Variants in DYM observed in about 807,000 individuals in gnomAD.
The protein encoded by DYM is dyggve-Melchior-Clausen syndrome protein.
Under a neutral mutation model 93.1 loss-of-function variants are expected in DYM, and 78 were observed. The ratio of observed to expected loss-of-function variants is 0.84; its 90% CI spans 0.70 to 1.01. The LOEUF (loss-of-function observed/expected upper bound fraction) is 1.01, where lower values mean the gene tolerates loss of function less well. Ranked by LOEUF, DYM falls within the 50% of genes least tolerant of loss-of-function variation. The probability of loss-of-function intolerance (pLI) is 0.00; values close to 1 mark genes in which losing one functional copy is unlikely to be tolerated. For missense variants in DYM, 789 were observed against 845.0 expected (o/e 0.93, Z 0.82); for synonymous variants, 321 against 319.7 (o/e 1.00, Z -0.04).
chr18:49,431,349 T>C (rs977439512), intron 1 of DYM, among the ~76,000 whole-genome samples: 6 of 152,212 alleles, frequency 3.9e-5, no homozygotes. Flanking sequence ...CATTCATCTG[T>C]CTATGCCCAC....
chr18:49,383,668 G>C (rs1048398169), intron 3 of DYM, among the ~76,000 whole-genome samples: 1 of 152,120 alleles, frequency 6.6e-6, no homozygotes, highest in Non-Finnish European at 1.5e-5. Context: ...TTATTTTTCT[G>C]AACAGCCAAC....
intron 13 of DYM, among the ~76,000 whole-genome samples, chr18:49,224,524 G>A (rs1284672791): frequency 6.6e-6 from 1 of 152,042 alleles, no homozygotes; most frequent in Non-Finnish European, 1.5e-5. Flanking sequence ...ATGGTATTAG[G>A]AGGTGGGGTC....
At chr18:49,130,513 T>C (rs1444523041) in intron 15 of DYM, among the ~76,000 whole-genome samples, 2 of 152,130 alleles carry the variant, frequency 1.3e-5, no homozygotes, top group Non-Finnish European at 2.9e-5. Context: ...TTGTGTCTAT[T>C]GTGCATTATT....
Position 49,441,368 on chromosome 18 carries a change from T to A in DYM, c.-53-10921A>T, listed in dbSNP as rs1280427006. The stretch of plus-strand genomic sequence containing the variant: ...AATTAATATATAATTATATTATATA[T>A]ATGGATTGTGTGTACAAACACACAT... On this transcript the variant is annotated intron_variant, in intron 1 of 17. Transcript: ENST00000675505. 3.8e-5 allele frequency among the ~76,000 whole-genome samples: 4 copies of A among 104,850 alleles called. No homozygotes were observed. In the East Asian group the frequency reaches 9.6e-4, roughly 25 times the overall value. The allele number at this position is 104,850 out of a possible 152,430, so 68.8% of individuals were successfully genotyped here.
intron 17 of DYM, among the ~76,000 whole-genome samples, chr18:49,076,643 T>C (rs2077334416): frequency 6.6e-6 from 1 of 152,208 alleles, no homozygotes. Context: ...TATCTGTTAT[T>C]ACCAGAATTC....
chr18:49,186,169 TAA>T (rs2090412308), intron 14 of DYM, among the ~76,000 whole-genome samples: 1 of 152,184 alleles, frequency 6.6e-6, no homozygotes, highest in Non-Finnish European at 1.5e-5. Context: ...ATAAATTATA[TAA>T]TCACTCACTT....
At chr18:49,048,496 T>C (rs1372503301) in intron 17 of DYM, 1 of 152,232 alleles carries the variant, frequency 6.6e-6, no homozygotes, top group Admixed American at 6.5e-5. Flanking sequence ...TTCAGTGACT[T>C]ACATGGGGGT....
intron 14 of DYM, among the ~76,000 whole-genome samples, chr18:49,193,540 T>G (rs1427938850): frequency 2.0e-5 from 3 of 152,194 alleles, no homozygotes; most frequent in Non-Finnish European, 4.4e-5. Context: ...TTAGCTCAAA[T>G]CTGTGAACAC....
intron 8 of DYM, among the ~76,000 whole-genome samples, chr18:49,304,285 C>A (rs77831771): frequency 0.08 from 12,206 of 152,160 alleles, 773 homozygotes; most frequent in East Asian, 0.31. Context: ...AGTAGGACAC[C>A]CACTTCCCTG....
intron 17 of DYM, among the ~76,000 whole-genome samples, chr18:49,069,132 G>A (rs796172893): frequency 5.9e-5 from 9 of 152,304 alleles, no homozygotes; most frequent in African/African-American, 1.9e-4. Context: ...GATGATGCGT[G>A]AGTTAAATTA....
chr18:49,139,326 T>C (rs368642442), intron 15 of DYM, among the ~76,000 whole-genome samples: 14 of 152,290 alleles, frequency 9.2e-5, no homozygotes, highest in African/African-American at 3.1e-4. Flanking sequence ...CAACATTTGC[T>C]TTCTTATTCT....
chr18:49,354,101 G>A (rs535065276), intron 6 of DYM, among the ~76,000 whole-genome samples: 1 of 152,138 alleles, frequency 6.6e-6, no homozygotes, highest in South Asian at 2.1e-4. Context: ...ACAGAACTGA[G>A]CACTCAGAAA....
At chr18:49,230,470 C>CTACT (rs1555650551) in intron 13 of DYM, among the ~76,000 whole-genome samples, 8 of 152,268 alleles carry the variant, frequency 5.3e-5, no homozygotes, top group African/African-American at 1.9e-4. Context: ...TACTATCAGA[C>CTACT]ATCTGGGAAC....
In DYM at chr18:49,209,281, A is replaced by G. The variant is rs564726549; in HGVS notation, c.1625+270T>C. Reference sequence around the variant, plus strand: ...TATAAATCAAAAGATTCCCAAATGGAATGCGGTATAGAATAGTTCTGGCAA... The same window carrying G: ...TATAAATCAAAAGATTCCCAAATGGGATGCGGTATAGAATAGTTCTGGCAA... On this transcript the variant is annotated intron_variant, in intron 14 of 17. Transcript: ENST00000675505. Among the ~76,000 whole-genome samples the G allele has an allele frequency of 1.8e-4, 27 of 152,326 alleles. No homozygotes were observed. In the South Asian group the frequency reaches 4.8e-3, roughly 27 times the overall value.
chr18:49,239,726 A>G (rs1338393559), intron 13 of DYM, among the ~76,000 whole-genome samples: 3 of 152,236 alleles, frequency 2.0e-5, no homozygotes, highest in Admixed American at 2.0e-4. Flanking sequence ...AGATGGGAGC[A>G]CACTGGACAC....
rs191233558 is a variant in DYM at position 49,079,095 on chromosome 18, G to C, written c.2025+18307C>G. 5.0e-3 allele frequency among the ~76,000 whole-genome samples: 765 copies of C among 152,232 alleles called. 2 individuals are homozygous for C. The highest frequency in any genetic ancestry group is 0.01 in the Middle Eastern group (3 of 294). The stretch of plus-strand genomic sequence containing the variant: ...TGTTTGGTGTCAGCATCTCATATCT[G>C]CAACTGTCTGTCTTTTTTCCATTTG... On this transcript the variant is annotated intron_variant, in intron 17 of 17. Coordinates refer to ENST00000675505, the MANE Select transcript of DYM (RefSeq NM_001353214.3).
chr18:49,084,630 T>A (rs2078338328), intron 17 of DYM, among the ~76,000 whole-genome samples: 1 of 152,202 alleles, frequency 6.6e-6, no homozygotes, highest in Non-Finnish European at 1.5e-5. Flanking sequence ...ATTTTTTTAG[T>A]AGCTCAAAAT....
At chr18:49,080,951 C>T (rs1345344708) in intron 17 of DYM, among the ~76,000 whole-genome samples, 1 of 149,750 alleles carries the variant, frequency 6.7e-6, no homozygotes, top group Non-Finnish European at 1.5e-5. Context: ...GGGATGGCTG[C>T]GGGGAAGAGG....
rs572639200 is a variant in DYM at position 49,069,966 on chromosome 18, G to A, written c.2026-25762C>T. The stretch of plus-strand genomic sequence containing the variant: ...TGAGGCAGGAGAATTGCCTGAACCC[G>A]GGGGGTGCAGGTTGTGGTGAGCCAA... On this transcript the variant is annotated intron_variant, in intron 17 of 17. Transcript: ENST00000675505. Among the ~76,000 whole-genome samples, 16 of 152,272 alleles carry A rather than the reference G, an allele frequency of 1.1e-4. No individual in the cohort carries two copies. In the South Asian group the frequency reaches 2.5e-3, roughly 24 times the overall value.
Sources: gnomAD v4.1 joint callset for allele counts (sites outside exome capture counted in the v4.1 genomes callset) on GRCh38, gnomAD v4.1.1 for gene constraint, MANE v1.5 for transcripts, NCBI Gene and HGNC (gene_info 2026-07-23, HGNC 2026-07-21) for gene names.